TSPAN5: variants seen among roughly 807,000 people sequenced by gnomAD.
The protein encoded by TSPAN5 is tetraspanin 5.
Under a neutral mutation model 37.1 loss-of-function variants are expected in TSPAN5, and 10 were observed. That is an observed-to-expected ratio of 0.27 (90% CI 0.17 to 0.46). The LOEUF (loss-of-function observed/expected upper bound fraction) is 0.46. Ranked by LOEUF, TSPAN5 falls within the 20% of genes least tolerant of loss-of-function variation. The pLI is 1.00. For synonymous variants in TSPAN5, 110 were observed against 118.9 expected, an observed-to-expected ratio of 0.93 and a Z score of 0.48; for missense variants, 195 against 326.6, an observed-to-expected ratio of 0.60 and a Z score of 3.11.
At chr4:98,541,420 A>C (rs374762869) in intron 1 of TSPAN5, among the ~76,000 whole-genome samples, 64 of 152,156 alleles carry the variant, frequency 4.2e-4, no homozygotes, top group East Asian at 2.3e-3. Context: ...CACGCCTGTA[A>C]TTCCAGCACT....
At chr4:98,474,672 T>C (rs1160298021) in intron 7 of TSPAN5, among the ~76,000 whole-genome samples, 3 of 151,128 alleles carry the variant, frequency 2.0e-5, no homozygotes, top group Admixed American at 6.6e-5. Context: ...TAATCATATA[T>C]ATTTTTTTCT....
At chr4:98,636,352 T>G (rs1043085410) in intron 1 of TSPAN5, among the ~76,000 whole-genome samples, 2 of 152,146 alleles carry the variant, frequency 1.3e-5, no homozygotes, top group Non-Finnish European at 2.9e-5. Context: ...GGTAAGACTG[T>G]GGAACAGAAT....
At chr4:98,581,055 A>G (rs1436739161) in intron 1 of TSPAN5, among the ~76,000 whole-genome samples, 1 of 152,198 alleles carries the variant, frequency 6.6e-6, no homozygotes, top group East Asian at 1.9e-4. Context: ...AAAGGGGAAA[A>G]AAAAATTAAC....
chr4:98,528,105 G>A (rs1047432778), intron 1 of TSPAN5, among the ~76,000 whole-genome samples: 3 of 152,130 alleles, frequency 2.0e-5, no homozygotes, highest in Admixed American at 2.0e-4. Flanking sequence ...CGGCATATGA[G>A]CTGGATAGAG....
intron 1 of TSPAN5, among the ~76,000 whole-genome samples, chr4:98,551,632 C>A (rs918488313): frequency 6.7e-6 from 1 of 149,130 alleles, no homozygotes; most frequent in Non-Finnish European, 1.5e-5. Flanking sequence ...GCTAGGACTA[C>A]AGGTGGGTAC....
At chr4:98,483,634 G>A (rs182703324) in intron 3 of TSPAN5, 19 of 152,394 alleles carry the variant, frequency 1.2e-4, no homozygotes, top group African/African-American at 4.1e-4. Context: ...GGGTGGGCAC[G>A]GGAGGAGGAG....
At chr4:98,473,315 T>C (rs1269472132) in intron 7 of TSPAN5, among the ~76,000 whole-genome samples, 1 of 152,236 alleles carries the variant, frequency 6.6e-6, no homozygotes, top group Non-Finnish European at 1.5e-5. Flanking sequence ...GGTTTCGTTT[T>C]CTCCACATCC....
intron 1 of TSPAN5, among the ~76,000 whole-genome samples, chr4:98,560,874 TG>T (rs2110168327): frequency 6.6e-6 from 1 of 152,284 alleles, no homozygotes; most frequent in African/African-American, 2.4e-5. Context: ...TTAAATGAAG[TG>T]AGTGGCAAAT....
intron 3 of TSPAN5, chr4:98,484,523 A>G (rs1182800482): frequency 4.4e-6 from 2 of 456,284 alleles, no homozygotes; most frequent in Non-Finnish European, 4.4e-6. Flanking sequence ...TTCCAACATG[A>G]GACTTTATAA....
At chr4:98,615,009 C>T (rs1756288384) in intron 1 of TSPAN5, among the ~76,000 whole-genome samples, 2 of 152,162 alleles carry the variant, frequency 1.3e-5, no homozygotes. Flanking sequence ...AGAGATGATG[C>T]CAACTAGCTA....
chr4:98,516,245 C>T (rs1753727014), intron 1 of TSPAN5, among the ~76,000 whole-genome samples: 1 of 152,210 alleles, frequency 6.6e-6, no homozygotes, highest in South Asian at 2.1e-4. Flanking sequence ...TAGGGTCAGA[C>T]ATATGACTCA....
chr4:98,615,215 T>C (rs1229265855), intron 1 of TSPAN5, among the ~76,000 whole-genome samples: 1 of 152,200 alleles, frequency 6.6e-6, no homozygotes, highest in East Asian at 1.9e-4. Context: ...TACAGAGTTT[T>C]TGTGCCTTGG....
chr4:98,629,705 T>C (rs1430472593), intron 1 of TSPAN5, among the ~76,000 whole-genome samples: 1 of 152,092 alleles, frequency 6.6e-6, no homozygotes, highest in African/African-American at 2.4e-5. Flanking sequence ...AGATGATTTA[T>C]CAAAACAACT....
intron 3 of TSPAN5, among the ~76,000 whole-genome samples, chr4:98,485,863 C>T (rs982565360): frequency 2.0e-5 from 3 of 146,524 alleles, no homozygotes; most frequent in Admixed American, 6.9e-5. Context: ...TACACTACAA[C>T]TGTTCTCTAG....
At chr4:98,578,941 G>T (rs543668541) in intron 1 of TSPAN5, among the ~76,000 whole-genome samples, 16 of 152,210 alleles carry the variant, frequency 1.1e-4, no homozygotes, top group African/African-American at 2.9e-4. Flanking sequence ...GGGTAACAAT[G>T]ATCTATTTTT....
intron 7 of TSPAN5, among the ~76,000 whole-genome samples, chr4:98,472,927 G>T (rs1442993215): frequency 6.6e-6 from 1 of 152,100 alleles, no homozygotes; most frequent in Non-Finnish European, 1.5e-5. Context: ...TCATATCAAG[G>T]GAATCATATA....
intron 5 of TSPAN5, among the ~76,000 whole-genome samples, chr4:98,477,413 T>G (rs1290014424): frequency 6.6e-6 from 1 of 152,174 alleles, no homozygotes; most frequent in East Asian, 1.9e-4. Flanking sequence ...GTTCTGCTTT[T>G]CCACTCCAAG....
At chr4:98,487,450 G>T (rs1469368736) in intron 2 of TSPAN5, among the ~76,000 whole-genome samples, 2 of 152,264 alleles carry the variant, frequency 1.3e-5, no homozygotes, top group East Asian at 3.9e-4. Context: ...CCCAATTCAC[G>T]CAGAAGTTAG....
At chr4:98,535,546 T>A (rs890574001) in intron 1 of TSPAN5, among the ~76,000 whole-genome samples, 2 of 152,178 alleles carry the variant, frequency 1.3e-5, no homozygotes, top group African/African-American at 4.8e-5. Flanking sequence ...CTTTGTGGTG[T>A]TCTCTGTATT....
Sources: allele counts gnomAD v4.1 joint callset (sites outside exome capture counted in the v4.1 genomes callset), GRCh38; gene constraint gnomAD v4.1.1; transcripts MANE v1.5; gene names NCBI Gene and HGNC (gene_info 2026-07-23, HGNC 2026-07-21).